Variants in MFSD6 observed in about 807,000 individuals in gnomAD.
The protein encoded by MFSD6 is major facilitator superfamily domain-containing protein 6.
MFSD6 carries 26 observed loss-of-function variants against 56.3 expected under a neutral mutation model. That is an observed-to-expected ratio of 0.46 (90% confidence interval 0.34 to 0.64). MFSD6 has a LOEUF of 0.64. Among genes scored for constraint, MFSD6 ranks in the 30% least tolerant of loss-of-function variants. The pLI is 0.01. For synonymous variants in MFSD6, 331 were observed against 366.9 expected (o/e 0.90, Z 1.12); for missense variants, 750 against 986.2 (o/e 0.76, Z 3.21).
chr2:190,447,386 T>G lies in MFSD6; in HGVS notation c.1532+9825T>G, dbSNP rs761261978. ...ATTTCATTTTTAATTTTGTGCCAAC[T>G]AGAGAGCTTTGGATTTGTTAAAATA... On this transcript the variant is annotated intron_variant, in intron 3 of 7. Transcript: ENST00000392328. The surrounding 1 kb of genome is among the most constrained non-coding windows in gnomAD (Gnocchi z 4.5). 6.6e-6 allele frequency among the ~76,000 whole-genome samples: 1 copy of G among 152,204 alleles called. No homozygotes were observed. Among genetic ancestry groups the G allele is most frequent in the Non-Finnish European group, 1.5e-5 (1 of 68,038 alleles).
In MFSD6 at chr2:190,497,659, A is replaced by G. The variant is rs1182598638; in HGVS notation, c.2112A>G (p.Gln704=). 6.2e-7 allele frequency: 1 copy of G among 1,614,194 alleles called. No homozygotes were observed. Among genetic ancestry groups the G allele is most frequent in the Admixed American group, 1.7e-5 (1 of 60,026 alleles). ...PWVTFVYALY[Q]IKEMMQLTRD... is the part of the protein sequence containing the mutation. ...TGACCTTTGTCTATGCACTCTACCA[A>G]ATTAAAGAGATGATGCAACTCACAA... Residue 704 remains glutamine, a synonymous_variant, in exon 7 of 8, where the codon CAA becomes CAG. Coordinates refer to ENST00000392328, the MANE Select transcript of MFSD6 (RefSeq NM_017694.4). This position sits in a 1 kb window ranked among gnomAD's most constrained non-coding sequence, Gnocchi z 5.2.
intron 6 of MFSD6, among the ~76,000 whole-genome samples, chr2:190,493,594 T>C (rs1221410306): frequency 6.6e-6 from 1 of 152,130 alleles, no homozygotes; most frequent in Non-Finnish European, 1.5e-5. Flanking sequence ...TGCATGGAAC[T>C]TTCTCCAAGA....
Position 190,469,755 on chromosome 2 carries a change from TAGG to T in MFSD6, c.1533-2_1533del. 1 of 1,457,778 alleles carries T rather than the reference TAGG, an allele frequency of 6.9e-7. No homozygotes were observed. The allele number at this position is 1,457,778 out of a possible 1,614,324, so 90.3% of individuals were successfully genotyped here. ...TTTATTTTTATTTTTTATTTTTTTTTAGGGTTCTGTACATTGGCCTGGCCTGCA... is the reference window on the plus strand; with the variant it reads ...TTTATTTTTATTTTTTATTTTTTTTTGTTCTGTACATTGGCCTGGCCTGCA... On this transcript the variant is annotated splice_acceptor_variant and coding_sequence_variant, in exon 4 of 8. Transcript: ENST00000392328. LOFTEE classifies it high-confidence loss of function. This position sits in a 1 kb window ranked among gnomAD's most constrained non-coding sequence, Gnocchi z 5.3.
chr2:190,411,965 G>T, intron 1 of MFSD6: 1 of 985,384 alleles, frequency 1.0e-6, no homozygotes. Context: ...GAAGGTAGGA[G>T]TTGGAGAAAC....
rs964505128 is a variant in MFSD6 at position 190,471,424 on chromosome 2, C to T, written c.1630+1569C>T. On this transcript the variant is annotated intron_variant, in intron 4 of 7. Coordinates refer to ENST00000392328, the MANE Select transcript of MFSD6 (RefSeq NM_017694.4). This position sits in a 1 kb window ranked among gnomAD's most constrained non-coding sequence, Gnocchi z 4.7. ...GTGCTTTTCCAACAGTCTTAGCAAA[C>T]GGCACACTAGGAGATTATATCCCGC... is the stretch of plus-strand genomic sequence containing the variant. Among the ~76,000 whole-genome samples the T allele has an allele frequency of 5.3e-5, 8 of 152,292 alleles. No individual in the cohort carries two copies. The highest frequency in any genetic ancestry group is 1.3e-4 in the Admixed American group (2 of 15,300).
At chr2:190,421,298 C>T (rs950809650) in intron 2 of MFSD6, among the ~76,000 whole-genome samples, 15 of 152,106 alleles carry the variant, frequency 9.9e-5, no homozygotes, top group Non-Finnish European at 8.8e-5. Flanking sequence ...TCTAAGGCCC[C>T]TGATTAGAAT....
At position 190,469,874 on chromosome 2, in the gene MFSD6, T is replaced by G. The variant is rs768104375; in HGVS notation, c.1630+19T>G. The G allele has an allele frequency of 2.6e-6, 4 of 1,535,182 alleles. No individual in the cohort carries two copies. In the African/African-American group the frequency reaches 5.5e-5, roughly 21 times the overall value. On this transcript the variant is annotated intron_variant, in intron 4 of 7. Coordinates refer to ENST00000392328, the MANE Select transcript of MFSD6 (RefSeq NM_017694.4). The surrounding 1 kb of genome is among the most constrained non-coding windows in gnomAD (Gnocchi z 5.3). ...CTTCAAGGTAAGTTAACAGCTGGGA[T>G]TGAAATTATTTCTCTGCCTTCCCTG...
rs771110934 is a variant in MFSD6, at chr2:190,465,136, C to A, written c.1533-4622C>A. ...TTATATAAGAAATTAGAATCTGTAACAATTTTTTTCTCCTACTCTTGTAGT... is the reference window on the plus strand; with the variant it reads ...TTATATAAGAAATTAGAATCTGTAAAAATTTTTTTCTCCTACTCTTGTAGT... On this transcript the variant is annotated intron_variant, in intron 3 of 7. Transcript: ENST00000392328. This position sits in a 1 kb window ranked among gnomAD's most constrained non-coding sequence, Gnocchi z 4.6. Among the ~76,000 whole-genome samples, 3 of 152,138 alleles carry A rather than the reference C, an allele frequency of 2.0e-5. No homozygotes were observed. The highest frequency in any genetic ancestry group is 6.5e-5 in the Admixed American group (1 of 15,272).
chr2:190,453,849 C>G (rs1686874837), intron 3 of MFSD6, among the ~76,000 whole-genome samples: 1 of 152,136 alleles, frequency 6.6e-6, no homozygotes, highest in South Asian at 2.1e-4. Context: ...GCAATGTAAA[C>G]TGAGAAAGAA....
At position 190,443,134 on chromosome 2, in the gene MFSD6, G is replaced by C. The variant is rs1686443947; in HGVS notation, c.1532+5573G>C. 1 of 152,140 alleles carries C rather than the reference G, an allele frequency of 6.6e-6. No homozygotes were observed. Among genetic ancestry groups the C allele is most frequent in the African/African-American group, 2.4e-5 (1 of 41,416 alleles). The allele number at this position is 152,140 out of a possible 1,614,324, so 9.4% of individuals were successfully genotyped here. A position where few individuals can be genotyped will look rare whatever the true frequency, so the allele number is the denominator to read the frequency against. ...TGAGCACCCCCCAATATCATCACCT[G>C]AGCCAGGAACCCTCTGTGGGTGTTC... is the stretch of plus-strand genomic sequence containing the variant. On this transcript the variant is annotated intron_variant, in intron 3 of 7. Coordinates refer to ENST00000392328, the MANE Select transcript of MFSD6 (RefSeq NM_017694.4). The surrounding 1 kb of genome is among the most constrained non-coding windows in gnomAD (Gnocchi z 4.2).
At chr2:190,429,893 A>G (rs1685907842) in intron 2 of MFSD6, among the ~76,000 whole-genome samples, 1 of 152,004 alleles carries the variant, frequency 6.6e-6, no homozygotes, top group East Asian at 1.9e-4. Flanking sequence ...CATGTGTACA[A>G]TGTGCAGATT....
chr2:190,499,907 C>A lies in MFSD6; in HGVS notation c.2173-108C>A, dbSNP rs1408888146. On this transcript the variant is annotated intron_variant, in intron 7 of 7. Transcript: ENST00000392328. This position sits in a 1 kb window ranked among gnomAD's most constrained non-coding sequence, Gnocchi z 6.0. ...TATTACTTGGTCCCTGAAATGGGCA[C>A]TTCCGGATGATCTCCCCATGTTTCC... 6.4e-6 allele frequency: 10 copies of A among 1,574,206 alleles called. No homozygotes were observed. Among genetic ancestry groups the A allele is most frequent in the Non-Finnish European group, 8.6e-6 (10 of 1,156,520 alleles).
chr2:190,477,535 A>G (rs1254098221), intron 4 of MFSD6, among the ~76,000 whole-genome samples: 1 of 152,228 alleles, frequency 6.6e-6, no homozygotes, highest in Non-Finnish European at 1.5e-5. Context: ...GAACAACAGA[A>G]TAATTTTATA....
intron 6 of MFSD6, among the ~76,000 whole-genome samples, chr2:190,493,563 C>T (rs1689488282): frequency 6.6e-6 from 1 of 152,112 alleles, no homozygotes; most frequent in Admixed American, 6.5e-5. Flanking sequence ...TTCTACCCAA[C>T]AACTGCAGAA....
rs1690867029 is a variant in MFSD6, at chr2:190,418,173, T to C, written c.-54+2760T>C. Reference sequence around the variant, plus strand: ...CATTCCCTATGTGACTTTGGGCTGGTTATTTGCCTTCTCTGTGCCACAGTT... The same window carrying C: ...CATTCCCTATGTGACTTTGGGCTGGCTATTTGCCTTCTCTGTGCCACAGTT... On this transcript the variant is annotated intron_variant, in intron 2 of 7. Transcript: ENST00000392328. The surrounding 1 kb of genome is among the most constrained non-coding windows in gnomAD (Gnocchi z 4.1). Among the ~76,000 whole-genome samples, 1 of 152,128 alleles carries C rather than the reference T, an allele frequency of 6.6e-6. No homozygotes were observed. Among genetic ancestry groups the C allele is most frequent in the African/African-American group, 2.4e-5 (1 of 41,418 alleles).
chr2:190,450,488 C>CTTTTTTTTTTTTTTTTT lies in MFSD6; in HGVS notation c.1532+12932_1532+12948dup, dbSNP rs10665730. Among the ~76,000 whole-genome samples the CTTTTTTTTTTTTTTTTT allele has an allele frequency of 4.1e-5, 4 of 97,252 alleles. 1 individual carries two copies. Among genetic ancestry groups the CTTTTTTTTTTTTTTTTT allele is most frequent in the African/African-American group, 7.9e-5 (2 of 25,428 alleles). The allele number at this position is 97,252 out of a possible 152,430, so 63.8% of individuals were successfully genotyped here. The stretch of plus-strand genomic sequence containing the variant: ...CTAACTTTTTCTTTTTCTCTTTTTC[C>CTTTTTTTTTTTTTTTTT]TTTTTTTTTTTTTTTTTTTTTGAGA... On this transcript the variant is annotated intron_variant, in intron 3 of 7. Transcript: ENST00000392328.
chr2:190,438,609 T>A lies in MFSD6; in HGVS notation c.1532+1048T>A, dbSNP rs964022021. 5.3e-5 allele frequency among the ~76,000 whole-genome samples: 8 copies of A among 152,242 alleles called. No individual in the cohort carries two copies. The highest frequency in any genetic ancestry group is 1.9e-4 in the African/African-American group (8 of 41,466). On this transcript the variant is annotated intron_variant, in intron 3 of 7. Transcript: ENST00000392328. The surrounding 1 kb of genome is among the most constrained non-coding windows in gnomAD (Gnocchi z 5.2). ...GCACCTTGCTCTTTAGAGATCTTTCTGCTCTGTTGGCTCTAAATGTGGAGC... is the reference window on the plus strand; with the variant it reads ...GCACCTTGCTCTTTAGAGATCTTTCAGCTCTGTTGGCTCTAAATGTGGAGC...
At chr2:190,470,592 A>G (rs771829869) in intron 4 of MFSD6, among the ~76,000 whole-genome samples, 7 of 152,376 alleles carry the variant, frequency 4.6e-5, no homozygotes, top group Non-Finnish European at 7.3e-5. Context: ...GTGACGGTCC[A>G]GGCTACTAAA....
At chr2:190,486,752 A>G (rs903144083) in intron 4 of MFSD6, among the ~76,000 whole-genome samples, 1 of 152,202 alleles carries the variant, frequency 6.6e-6, no homozygotes, top group African/African-American at 2.4e-5. Context: ...CCAAAATACG[A>G]GTTAAGAGTC....
Sources: gnomAD v4.1 joint callset for allele counts (sites outside exome capture counted in the v4.1 genomes callset) on GRCh38, gnomAD v4.1.1 for gene constraint, Gnocchi (gnomAD v3.1) non-coding constraint, MANE v1.5 for transcripts, NCBI Gene and HGNC (gene_info 2026-07-23, HGNC 2026-07-21) for gene names.